STON2: variants seen among roughly 807,000 people sequenced by gnomAD.
STON2 encodes stonin-2.
Under a neutral mutation model 65.7 loss-of-function variants are expected in STON2, and 29 were observed. The ratio of observed to expected loss-of-function variants is 0.44; its 90% CI spans 0.33 to 0.60. STON2 has a LOEUF of 0.60. Ranked by LOEUF, STON2 falls within the 20% of genes least tolerant of loss-of-function variation. The pLI, the probability that STON2 is intolerant of heterozygous loss-of-function variation, is 0.03. For missense variants in STON2, 1,054 were observed against 1,118.1 expected (o/e 0.94, Z 0.82); for synonymous variants, 404 against 414.2 (o/e 0.98, Z 0.30).
At chr14:81,333,406 C>T (rs1217266102) in intron 4 of STON2, 2 of 392,790 alleles carry the variant, frequency 5.1e-6, no homozygotes, top group African/African-American at 2.1e-5. Context: ...ATTCTAAGAG[C>T]TTTAAATACG....
At chr14:81,329,397 G>C (rs547903352) in intron 4 of STON2, among the ~76,000 whole-genome samples, 1 of 150,930 alleles carries the variant, frequency 6.6e-6, no homozygotes, top group Non-Finnish European at 1.5e-5. Context: ...GAAGCTTGCA[G>C]TGAGCCGAGA....
At position 81,277,464 on chromosome 14, in the gene STON2, T is replaced by C. The variant is rs759563722; in HGVS notation, c.2018A>G (p.Asn673Ser). The C allele has an allele frequency of 1.9e-6, 3 of 1,614,192 alleles. No homozygotes were observed. Among genetic ancestry groups the C allele is most frequent in the East Asian group, 2.2e-5 (1 of 44,880 alleles). The change falls in exon 6 of 8, where the codon AAT (asparagine) becomes AGT (serine). Residue 673 changes from asparagine to serine, a missense_variant. Transcript: ENST00000614646. ...TTCATTCCCTTTGACGAGGATGTCA[T>C]TGAGGCCCAGGCGGCACTCTGCGAG... is the stretch of plus-strand genomic sequence containing the variant. ...SGLAECRLGL[N>S]DILVKGNEIV...
rs990061418 is a variant in STON2, at chr14:81,266,600, T to C, written c.*1814A>G. ...CTCTCTTAAAATATGATACCCATAA[T>C]TGAACTCAACCCTCCATTTAGATAT... On this transcript the variant is annotated 3_prime_UTR_variant, in exon 8 of 8. Transcript: ENST00000614646. 17 of 858,006 alleles carry C rather than the reference T, an allele frequency of 2.0e-5. No homozygotes were observed. The African/African-American group carries it at 2.6e-4, about 13-fold the overall frequency. The allele number at this position is 858,006 out of a possible 1,614,324, so 53.1% of individuals were successfully genotyped here. A position where few individuals can be genotyped will look rare whatever the true frequency, so the allele number is the denominator to read the frequency against.
At chr14:81,424,439 A>G (rs72691418) in intron 2 of STON2, among the ~76,000 whole-genome samples, 3 of 152,150 alleles carry the variant, frequency 2.0e-5, no homozygotes, top group African/African-American at 2.4e-5. Context: ...GCAAGACACC[A>G]TATCAAAAAA....
chr14:81,334,702 G>A (rs1421700583), intron 4 of STON2, among the ~76,000 whole-genome samples: 1 of 148,422 alleles, frequency 6.7e-6, no homozygotes, highest in East Asian at 1.9e-4. Context: ...GAAAACTACT[G>A]GCAATCCCAA....
chr14:81,351,632 TG>T (rs1198927512), intron 4 of STON2, among the ~76,000 whole-genome samples: 2 of 152,256 alleles, frequency 1.3e-5, no homozygotes, highest in Non-Finnish European at 2.9e-5. Flanking sequence ...TGCAAAATTT[TG>T]AAGCATAATG....
rs1332470439 is a variant in STON2, at chr14:81,276,950, G to A, written c.2532C>T (p.Ala844=). The A allele has an allele frequency of 1.9e-6, 3 of 1,614,088 alleles. No individual in the cohort carries two copies. Among genetic ancestry groups the A allele is most frequent in the East Asian group, 4.5e-5 (2 of 44,892 alleles). The change falls in exon 6 of 8, where the codon GCC becomes GCT. Residue 844 remains alanine, a synonymous_variant. Coordinates refer to ENST00000614646, the MANE Select transcript of STON2 (RefSeq NM_001394390.1). ...VTLGTAKYEH[A]FNSIVWRINR... ...TTATCCTCCACACAATGGAGTTGAA[G>A]GCATGCTCGTACTTGGCAGTTCCCA...
intron 2 of STON2, among the ~76,000 whole-genome samples, chr14:81,422,679 C>A (rs180683399): frequency 6.6e-6 from 1 of 152,302 alleles, no homozygotes; most frequent in East Asian, 1.9e-4. Flanking sequence ...AGAAGTGAAA[C>A]CATCTTTCTG....
chr14:81,361,013 G>A (rs1178143174), intron 4 of STON2, among the ~76,000 whole-genome samples: 1 of 152,094 alleles, frequency 6.6e-6, no homozygotes. Flanking sequence ...TAAATGGAAA[G>A]ATATCTTGTG....
At position 81,336,972 on chromosome 14, in the gene STON2, T is replaced by C. The variant is rs115646244; in HGVS notation, c.572-12785A>G. ...GGAAAGGAGGTAGCTGTTGGGGAAG[T>C]TGCAGAACTTTCCCAAGGTTCTTAG... On this transcript the variant is annotated intron_variant, in intron 4 of 7. Transcript: ENST00000614646. Among the ~76,000 whole-genome samples, 967 of 152,232 alleles carry C rather than the reference T, an allele frequency of 6.4e-3. 10 individuals are homozygous for C. The highest frequency in any genetic ancestry group is 0.022 in the African/African-American group (902 of 41,536).
chr14:81,349,813 T>C (rs1371780772), intron 4 of STON2, among the ~76,000 whole-genome samples: 1 of 152,114 alleles, frequency 6.6e-6, no homozygotes, highest in Non-Finnish European at 1.5e-5. Flanking sequence ...ATAGTCAAGA[T>C]ATGAAATCAA....
chr14:81,280,368 C>T (rs1052910867), intron 5 of STON2, among the ~76,000 whole-genome samples: 1 of 152,118 alleles, frequency 6.6e-6, no homozygotes, highest in African/African-American at 2.4e-5. Flanking sequence ...ATAGTAGGTA[C>T]TCAATAAGGT....
chr14:81,381,588 A>G (rs1327175129), intron 3 of STON2, among the ~76,000 whole-genome samples: 1 of 152,056 alleles, frequency 6.6e-6, no homozygotes, highest in Non-Finnish European at 1.5e-5. Context: ...TGCAATTTAA[A>G]TCACATGATA....
intron 5 of STON2, among the ~76,000 whole-genome samples, chr14:81,322,195 T>G (rs1020403991): frequency 6.6e-6 from 1 of 152,126 alleles, no homozygotes; most frequent in African/African-American, 2.4e-5. Flanking sequence ...CTAAACTGTA[T>G]TCTATTCCTG....
chr14:81,349,060 C>T (rs763331666), intron 4 of STON2, among the ~76,000 whole-genome samples: 1 of 151,946 alleles, frequency 6.6e-6, no homozygotes, highest in Non-Finnish European at 1.5e-5. Flanking sequence ...GAAACTAGAC[C>T]CCTATCTCTA....
chr14:81,327,616 A>C (rs60275048), intron 4 of STON2, among the ~76,000 whole-genome samples: 6,334 of 152,192 alleles, frequency 0.042, 437 homozygotes, highest in African/African-American at 0.14. Context: ...GGGATTGAAA[A>C]ATGATTTTCT....
At chr14:81,331,572 C>T (rs1897217055) in intron 4 of STON2, among the ~76,000 whole-genome samples, 1 of 152,200 alleles carries the variant, frequency 6.6e-6, no homozygotes, top group South Asian at 2.1e-4. Flanking sequence ...CTCCCATACC[C>T]TCATCCACTG....
intron 4 of STON2, among the ~76,000 whole-genome samples, chr14:81,364,232 G>A (rs576889404): frequency 7.2e-5 from 11 of 152,324 alleles, no homozygotes; most frequent in Admixed American, 5.9e-4. Flanking sequence ...AAATGCAAAT[G>A]AATCAAGAAC....
intron 3 of STON2, among the ~76,000 whole-genome samples, chr14:81,391,738 C>T (rs1900088196): frequency 6.6e-6 from 1 of 152,194 alleles, no homozygotes; most frequent in African/African-American, 2.4e-5. Flanking sequence ...GTTAGAAACA[C>T]TTCTTGAGGT....
Sources: allele counts gnomAD v4.1 joint callset (sites outside exome capture counted in the v4.1 genomes callset), GRCh38; gene constraint gnomAD v4.1.1; transcripts MANE v1.5; gene names NCBI Gene and HGNC (gene_info 2026-07-23, HGNC 2026-07-21).